The following TENM1 variants were observed in gnomAD, a reference collection of about 807,000 sequenced individuals.
TENM1 encodes teneurin-1.
A neutral mutation model predicts 174.8 loss-of-function variants in TENM1; 35 were observed. The ratio of observed to expected loss-of-function variants is 0.20; its 90% CI spans 0.15 to 0.27. The LOEUF (loss-of-function observed/expected upper bound fraction) is 0.27. Ranked by LOEUF, TENM1 falls within the 10% of genes least tolerant of loss-of-function variation. TENM1 has a pLI of 1.00. For synonymous variants in TENM1, 781 were observed against 798.7 expected, an observed-to-expected ratio of 0.98 and a Z score of 0.37; for missense variants, 1,633 against 2,130.1, an observed-to-expected ratio of 0.77 and a Z score of 4.59.
the TENM1 span, among the ~76,000 whole-genome samples, chrX:125,190,109 T>A: frequency 9.0e-6 from 1 of 111,583 alleles, no homozygotes; most frequent in Non-Finnish European, 1.9e-5. Flanking sequence ...GAGACAGTTT[T>A]CCCATTACAA....
At chrX:124,405,148 A>G in exon 27 of TENM1, 1 of 1,211,438 alleles carries the variant, frequency 8.3e-7, no homozygotes, top group Non-Finnish European at 1.1e-6. Flanking sequence ...TGCCCAGGGT[A>G]GGGTTGACTG....
At chrX:124,556,459 C>T (rs974349769) in intron 14 of TENM1, among the ~76,000 whole-genome samples, 7 of 110,775 alleles carry the variant, frequency 6.3e-5, no homozygotes, top group South Asian at 3.9e-4. Context: ...CTGCTTATTA[C>T]GAGAGTGTTT....
At chrX:124,913,167 A>T (rs2147646894) in intron 1 of TENM1, among the ~76,000 whole-genome samples, 1 of 111,514 alleles carries the variant, frequency 9.0e-6, no homozygotes, top group South Asian at 3.8e-4. Context: ...TATATCTACT[A>T]TACATTTATA....
intron 20 of TENM1, among the ~76,000 whole-genome samples, chrX:124,493,616 T>C (rs2047119695): frequency 9.0e-6 from 1 of 111,280 alleles, no homozygotes; most frequent in Non-Finnish European, 1.9e-5. Flanking sequence ...TGGCATTATA[T>C]AGATAGAGCA....
chrX:125,112,051 T>G, the TENM1 span, among the ~76,000 whole-genome samples: 1 of 110,355 alleles, frequency 9.1e-6, no homozygotes, highest in Admixed American at 9.8e-5. Context: ...GCAATGAAAC[T>G]TTGTTTCCAT....
At chrX:124,622,020 G>C (rs2050531904) in intron 11 of TENM1, among the ~76,000 whole-genome samples, 1 of 111,437 alleles carries the variant, frequency 9.0e-6, no homozygotes, top group South Asian at 3.8e-4. Context: ...ACTAAGTTTT[G>C]GGTTATGTAT....
At chrX:124,883,879 T>C (rs1235069119) in intron 3 of TENM1, among the ~76,000 whole-genome samples, 1 of 111,264 alleles carries the variant, frequency 9.0e-6, no homozygotes, top group African/African-American at 3.3e-5. Context: ...GACAATGAGC[T>C]TGGACACTGG....
the TENM1 span, among the ~76,000 whole-genome samples, chrX:125,183,049 A>G: frequency 1.8e-5 from 2 of 112,249 alleles, no homozygotes; most frequent in Non-Finnish European, 3.8e-5. Flanking sequence ...CTTATATCTC[A>G]TTTCAAATCA....
chrX:124,944,470 C>T (rs900587990), intron 1 of TENM1, among the ~76,000 whole-genome samples: 2 of 111,259 alleles, frequency 1.8e-5, no homozygotes, highest in Non-Finnish European at 3.8e-5. Context: ...CTAAAATATA[C>T]CATTCTCACT....
intron 6 of TENM1, among the ~76,000 whole-genome samples, chrX:124,663,130 C>T (rs1282455294): frequency 3.6e-5 from 4 of 111,874 alleles, no homozygotes; most frequent in African/African-American, 1.3e-4. Context: ...TCTTCCCTCT[C>T]CTAGAACCAA....
At chrX:124,981,729 C>G in the TENM1 span, among the ~76,000 whole-genome samples, 1 of 111,215 alleles carries the variant, frequency 9.0e-6, no homozygotes, top group Admixed American at 9.6e-5. Context: ...AAGAAGGACT[C>G]TAGGTTGTCA....
intron 3 of TENM1, among the ~76,000 whole-genome samples, chrX:124,757,463 C>T (rs1052765660): frequency 2.6e-4 from 29 of 112,640 alleles, no homozygotes; most frequent in Non-Finnish European, 5.1e-4. Context: ...GGCAATGCCT[C>T]GCCGTGCTTC....
chrX:125,062,842 C>T, the TENM1 span, among the ~76,000 whole-genome samples: 5 of 112,050 alleles, frequency 4.5e-5, no homozygotes, highest in Non-Finnish European at 7.5e-5. Context: ...CTTCAGTCCC[C>T]TTTTGAGCAG....
chrX:124,487,132 C>T, intron 21 of TENM1, 77 bp downstream of exon 24: 1 of 982,700 alleles, frequency 1.0e-6, no homozygotes, highest in East Asian at 3.4e-5. Context: ...AGAAAAATTT[C>T]CCTATTAACA....
chrX:124,755,342 T>C (rs939390584), intron 3 of TENM1, among the ~76,000 whole-genome samples: 1 of 111,295 alleles, frequency 9.0e-6, no homozygotes, highest in African/African-American at 3.3e-5. Context: ...ATTTGCTTGG[T>C]AGATCTTCCT....
At chrX:125,188,378 G>GAAAGAAAAGA in the TENM1 span, among the ~76,000 whole-genome samples, 1 of 108,181 alleles carries the variant, frequency 9.2e-6, no homozygotes, top group African/African-American at 3.4e-5. Context: ...AATAACAAAG[G>GAAAGAAAAGA]AAAGAAAAGA....
Position 124,554,985 on chromosome X carries a change from G to T in TENM1, c.2434+6686C>A, listed in dbSNP as rs182739397. On this transcript the variant is annotated intron_variant, in intron 14 of 31. Coordinates refer to ENST00000422452, the Ensembl canonical transcript of TENM1. ...TACTTAAAAGATCAGAGAAAAAAAG[G>T]CTGTTTGGATTAAACACTCTTACTC... 3.7e-3 allele frequency among the ~76,000 whole-genome samples: 417 copies of T among 111,987 alleles called. 4 individuals are homozygous for T. Among genetic ancestry groups the T allele is most frequent in the Non-Finnish European group, 4.7e-3 (252 of 53,133 alleles).
chrX:124,757,375 G>A (rs1303765144), intron 3 of TENM1, among the ~76,000 whole-genome samples: 3 of 112,330 alleles, frequency 2.7e-5, no homozygotes, highest in East Asian at 5.6e-4. Context: ...GAAGTGACCC[G>A]ATTTTCCAGG....
the TENM1 span, among the ~76,000 whole-genome samples, chrX:125,029,995 CTG>C: frequency 8.9e-6 from 1 of 112,250 alleles, no homozygotes; most frequent in African/African-American, 3.2e-5. Context: ...CAAATTAGAT[CTG>C]TGTCATTTGT....
Sources: gnomAD v4.1 joint callset for allele counts (sites outside exome capture counted in the v4.1 genomes callset) on GRCh38, gnomAD v4.1.1 for gene constraint, MANE v1.5 for transcripts, NCBI Gene and HGNC (gene_info 2026-07-23, HGNC 2026-07-21) for gene names.